SLC14A2: variants seen among roughly 807,000 people sequenced by gnomAD.
The protein encoded by SLC14A2 is urea transporter 2.
A neutral mutation model predicts 104.6 loss-of-function variants in SLC14A2; 91 were observed. The observed-to-expected ratio is 0.87, with a 90% CI of 0.73 to 1.04. The LOEUF (loss-of-function observed/expected upper bound fraction) is 1.04, where lower values mean the gene tolerates loss of function less well. Among genes scored for constraint, SLC14A2 ranks in the 50% least tolerant of loss-of-function variants. SLC14A2 has a pLI of 0.00. For missense variants in SLC14A2, 1,189 were observed against 1,156.0 expected (o/e 1.03, Z -0.41); for synonymous variants, 476 against 466.4 (o/e 1.02, Z -0.27).
At chr18:45,353,305 G>C (rs2085520877) in intron 1 of SLC14A2, among the ~76,000 whole-genome samples, 1 of 152,294 alleles carries the variant, frequency 6.6e-6, no homozygotes, top group South Asian at 2.1e-4. Context: ...TATCCACAGT[G>C]GTGGAAGACA....
intron 1 of SLC14A2, chr18:45,435,149 C>T (rs572353619): frequency 4.3e-4 from 65 of 152,326 alleles, no homozygotes; most frequent in Admixed American, 1.2e-3. Flanking sequence ...TCTCTGCAAT[C>T]AGGTCCTCTC....
chr18:45,408,990 C>T (rs1424072088), intron 1 of SLC14A2, among the ~76,000 whole-genome samples: 2 of 152,288 alleles, frequency 1.3e-5, no homozygotes, highest in East Asian at 1.9e-4. Context: ...TAACAAAATG[C>T]AATCTGGGAT....
chr18:45,523,233 C>T (rs987056225), intron 2 of SLC14A2, among the ~76,000 whole-genome samples: 4 of 152,130 alleles, frequency 2.6e-5, no homozygotes, highest in Admixed American at 6.5e-5. Flanking sequence ...GTCTGGATAA[C>T]CCAGCCAGAC....
chr18:45,547,112 A>G (rs966314147), intron 2 of SLC14A2, among the ~76,000 whole-genome samples: 2 of 152,224 alleles, frequency 1.3e-5, no homozygotes, highest in Non-Finnish European at 2.9e-5. Flanking sequence ...TGTCCCAGGT[A>G]GCAGTAGCTA....
At chr18:45,444,977 A>C (rs1313806530) in intron 1 of SLC14A2, among the ~76,000 whole-genome samples, 1 of 152,202 alleles carries the variant, frequency 6.6e-6, no homozygotes, top group East Asian at 1.9e-4. Flanking sequence ...ATGTGCTTCG[A>C]AAATATTTGT....
chr18:45,223,560 T>A (rs1209252002), intron 1 of SLC14A2, among the ~76,000 whole-genome samples: 1 of 152,204 alleles, frequency 6.6e-6, no homozygotes, highest in African/African-American at 2.4e-5. Context: ...TTCCAATGGT[T>A]AGTTTTCATG....
chr18:45,484,668 G>A (rs2087564346), intron 2 of SLC14A2, among the ~76,000 whole-genome samples: 1 of 152,196 alleles, frequency 6.6e-6, no homozygotes, highest in Admixed American at 6.5e-5. Context: ...GTGCCTGCCA[G>A]TGCTGGAAGT....
chr18:45,651,577 C>T (rs551301803), intron 10 of SLC14A2, among the ~76,000 whole-genome samples: 1 of 152,104 alleles, frequency 6.6e-6, no homozygotes, highest in Admixed American at 6.5e-5. Flanking sequence ...CTATAAGGTC[C>T]TAAGATTTCT....
intron 1 of SLC14A2, among the ~76,000 whole-genome samples, chr18:45,286,718 TTGTGTG>T (rs112827861): frequency 6.6e-6 from 1 of 150,610 alleles, no homozygotes; most frequent in Non-Finnish European, 1.5e-5. Flanking sequence ...TCCCCCCAAC[TTGTGTG>T]TGTGTGTGTG....
chr18:45,551,370 G>A (rs894485054), intron 2 of SLC14A2, among the ~76,000 whole-genome samples: 2 of 152,166 alleles, frequency 1.3e-5, no homozygotes, highest in African/African-American at 4.8e-5. Context: ...ACCTTTTAAG[G>A]AAAAGCTGCA....
intron 8 of SLC14A2, 84 bp from the exon 9 acceptor site, chr18:45,643,048 G>C: frequency 7.8e-7 from 1 of 1,277,192 alleles, no homozygotes; most frequent in Non-Finnish European, 1.1e-6. Context: ...CCTGTTCTTG[G>C]TCTGGGCTCC....
At chr18:45,195,687 G>C in the SLC14A2 span, among the ~76,000 whole-genome samples, 3 of 152,152 alleles carry the variant, frequency 2.0e-5, no homozygotes, top group Non-Finnish European at 4.4e-5. Context: ...ACTGCGCCTG[G>C]CTGGGAGCAA....
chr18:45,312,345 C>A (rs940412433), intron 1 of SLC14A2, among the ~76,000 whole-genome samples: 2 of 151,626 alleles, frequency 1.3e-5, no homozygotes, highest in African/African-American at 2.4e-5. Context: ...TTAGATGTGG[C>A]AAGATCTCTG....
chr18:45,341,378 G>T (rs575103465), intron 1 of SLC14A2, among the ~76,000 whole-genome samples: 13 of 152,256 alleles, frequency 8.5e-5, no homozygotes, highest in African/African-American at 2.6e-4. Context: ...TTGCAGTCAT[G>T]CACAGAGTGG....
At chr18:45,376,629 AAG>A (rs1379621918) in intron 1 of SLC14A2, among the ~76,000 whole-genome samples, 1 of 152,172 alleles carries the variant, frequency 6.6e-6, no homozygotes, top group Admixed American at 6.5e-5. Flanking sequence ...GATCAGAGAA[AAG>A]AGAGATCACT....
intron 1 of SLC14A2, among the ~76,000 whole-genome samples, chr18:45,455,181 A>G (rs2086921778): frequency 6.6e-6 from 1 of 152,198 alleles, no homozygotes; most frequent in African/African-American, 2.4e-5. Context: ...TTCTACTATA[A>G]AGACACATGT....
At chr18:45,662,449 G>C (rs988832288) in intron 10 of SLC14A2, among the ~76,000 whole-genome samples, 1 of 152,110 alleles carries the variant, frequency 6.6e-6, no homozygotes, top group Non-Finnish European at 1.5e-5. Context: ...TCCAGCTTTC[G>C]TATGCACACG....
the SLC14A2 span, among the ~76,000 whole-genome samples, chr18:45,183,361 T>C: frequency 8.5e-5 from 13 of 152,270 alleles, no homozygotes; most frequent in Middle Eastern, 3.4e-3. Flanking sequence ...TCACCTTTTA[T>C]CTTGCTGCAC....
intron 2 of SLC14A2, among the ~76,000 whole-genome samples, chr18:45,594,787 T>G (rs2044698275): frequency 6.6e-6 from 1 of 152,186 alleles, no homozygotes; most frequent in South Asian, 2.1e-4. Flanking sequence ...CTCTAGAGCC[T>G]AAGTCTTGTT....
Sources: gnomAD v4.1 joint callset for allele counts (sites outside exome capture counted in the v4.1 genomes callset) on GRCh38, gnomAD v4.1.1 for gene constraint, MANE v1.5 for transcripts, NCBI Gene and HGNC (gene_info 2026-07-23, HGNC 2026-07-21) for gene names.